CELSR1: variants seen among roughly 807,000 people sequenced by gnomAD.
CELSR1 encodes the protein cadherin EGF LAG seven-pass G-type receptor 1.
In CELSR1, 110 loss-of-function variants were observed where a neutral mutation model predicts 249.1. The observed-to-expected ratio is 0.44, with a 90% CI of 0.38 to 0.52. CELSR1 has a LOEUF of 0.52. Among genes scored for constraint, CELSR1 ranks in the 20% least tolerant of loss-of-function variants. CELSR1 has a pLI of 0.00. For synonymous variants in CELSR1, 2,113 were observed against 1,900.0 expected, an observed-to-expected ratio of 1.11 and a Z score of -2.92; for missense variants, 4,109 against 4,296.4, an observed-to-expected ratio of 0.96 and a Z score of 1.22.
At chr22:46,486,639 T>C (rs1440501503) in intron 1 of CELSR1, among the ~76,000 whole-genome samples, 1 of 151,806 alleles carries the variant, frequency 6.6e-6, no homozygotes, top group East Asian at 2.0e-4. Flanking sequence ...GGTCAGGAGT[T>C]TGAGACCAGC....
chr22:46,410,476 C>T lies in CELSR1; in HGVS notation c.4855G>A (p.Gly1619Ser). 6.2e-7 allele frequency: 1 copy of T among 1,614,050 alleles called. No homozygotes were observed. Among genetic ancestry groups the T allele is most frequent in the Non-Finnish European group, 8.5e-7 (1 of 1,180,012 alleles). ...DFPVHNRQFV[G>S]CMRNLSVDGK... ...TCGACTGACAGGTTCCGCATGCAGC[C>T]CACGAACTGCCGGTTGTGCACTGGG... is the stretch of plus-strand genomic sequence containing the variant. The change falls in exon 7 of 35, where the codon GGC (glycine) becomes AGC (serine). Residue 1619 changes from glycine (G) to serine (S), a missense_variant. Gly to Ser is a moderately conservative substitution (Grantham distance 56, BLOSUM62 0). Around this residue, in one of 7 missense-constraint regions of CELSR1, gnomAD observed 453 missense variants for 492.0 expected, o/e 0.92. Transcript: ENST00000674500. The surrounding 1 kb of genome is among the most constrained non-coding windows in gnomAD (Gnocchi z 6.8).
intron 1 of CELSR1, among the ~76,000 whole-genome samples, chr22:46,477,106 C>T (rs966367447): frequency 6.6e-6 from 1 of 152,168 alleles, no homozygotes; most frequent in African/African-American, 2.4e-5. Flanking sequence ...GTTTCTAAGA[C>T]GTGGAACTAC....
rs1158688073 is a variant in CELSR1, at chr22:46,391,795, C to T, written c.5986G>A (p.Ala1996Thr). The change falls in exon 15 of 35, where the codon GCC becomes ACC. Residue 1996 changes from alanine to threonine, a missense_variant. Physicochemically the swap from Ala to Thr is moderately conservative, Grantham distance 58. Around this residue, in one of 7 missense-constraint regions of CELSR1, gnomAD observed 1,805 missense variants for 1,831.6 expected, o/e 0.99. Coordinates refer to ENST00000674500, the MANE Select transcript of CELSR1 (RefSeq NM_001378328.1). This position sits in a 1 kb window ranked among gnomAD's most constrained non-coding sequence, Gnocchi z 4.3. ...TCGCAGGGCAGACAGGTGTCCTGGG[C>T]TAGGAGCTTGTAGTAATTCTCCTGC... ...QCKENYYKLL[A>T]QDTCLPCDCF... 7 of 1,611,020 alleles carry T rather than the reference C, an allele frequency of 4.3e-6. No individual in the cohort carries two copies. Among genetic ancestry groups the T allele is most frequent in the Non-Finnish European group, 5.9e-6 (7 of 1,179,440 alleles).
At chr22:46,376,780 C>T (rs1260714877) in intron 24 of CELSR1, among the ~76,000 whole-genome samples, 1 of 148,954 alleles carries the variant, frequency 6.7e-6, no homozygotes, top group Non-Finnish European at 1.5e-5. Flanking sequence ...TCACTCCAGC[C>T]TGGATTGACA....
rs2079679895 is a variant in CELSR1 at position 46,437,675 on chromosome 22, T to C, written c.4407-1386A>G. The stretch of plus-strand genomic sequence containing the variant: ...TTGAGGCAGGAGAATTGCTTGAACC[T>C]GGGAGGCGGAAGTTGCAGTGAGCCG... On this transcript the variant is annotated intron_variant, in intron 3 of 34. Transcript: ENST00000674500. The surrounding 1 kb of genome is among the most constrained non-coding windows in gnomAD (Gnocchi z 4.9). Among the ~76,000 whole-genome samples the C allele has an allele frequency of 6.7e-6, 1 of 149,508 alleles. No individual in the cohort carries two copies. Among genetic ancestry groups the C allele is most frequent in the Middle Eastern group, 3.4e-3 (1 of 292 alleles).
Position 46,535,444 on chromosome 22 carries a change from T to A in CELSR1, c.1727A>T (p.Glu576Val). Residue 576 changes from glutamate (E) to valine (V), a missense_variant, in exon 1 of 35, where the codon GAG (glutamate) becomes GTG (valine). Around this residue, in one of 7 missense-constraint regions of CELSR1, gnomAD observed 135 missense variants for 190.0 expected, o/e 0.71. Coordinates refer to ENST00000674500, the MANE Select transcript of CELSR1 (RefSeq NM_001378328.1). ...VSSPFQATVLENVPLGYPVVH... is the reference protein window; with the variant it reads ...VSSPFQATVLVNVPLGYPVVH... Reference sequence around the variant, plus strand: ...CACGGGGTAGCCCAGGGGCACATTCTCCAGCACCGTGGCCTGGAAGGGGCT... The same window carrying A: ...CACGGGGTAGCCCAGGGGCACATTCACCAGCACCGTGGCCTGGAAGGGGCT... 6.2e-7 allele frequency: 1 copy of A among 1,609,014 alleles called. No homozygotes were observed.
At position 46,535,625 on chromosome 22, in the gene CELSR1, G is replaced by C. The variant is rs1467220428; in HGVS notation, c.1546C>G (p.Leu516Val). 1.9e-6 allele frequency: 3 copies of C among 1,613,404 alleles called. No individual in the cohort carries two copies. The highest frequency in any genetic ancestry group is 2.2e-5 in the East Asian group (1 of 44,882). ...QFYLHSLSGILDVINPLDFED... is the reference protein window; with the variant it reads ...QFYLHSLSGIVDVINPLDFED... ...AAATCCAAGGGGTTGATCACATCCA[G>C]GATCCCGCTCAGCGAGTGCAGGTAG... The change falls in exon 1 of 35, where the codon CTG (leucine) becomes GTG (valine). Residue 516 changes from leucine to valine, a missense_variant. Coordinates refer to ENST00000674500, the MANE Select transcript of CELSR1 (RefSeq NM_001378328.1).
At chr22:46,495,221 G>T (rs2045706432) in intron 1 of CELSR1, among the ~76,000 whole-genome samples, 1 of 152,186 alleles carries the variant, frequency 6.6e-6, no homozygotes, top group African/African-American at 2.4e-5. Flanking sequence ...ACACACCTAG[G>T]CTGTGGTATA....
At chr22:46,504,237 A>G (rs5768853) in intron 1 of CELSR1, among the ~76,000 whole-genome samples, 121,767 of 151,842 alleles carry the variant, frequency 0.8, 48,992 homozygotes, top group East Asian at 0.98. Flanking sequence ...TGGCTGGCCA[A>G]GCGCAGTGGC....
rs548134555 is a variant in CELSR1 at position 46,496,709 on chromosome 22, T to C, written c.3545-32364A>G. ...GCCTATGCAGGGTTAGGATCATCAA[T>C]ATCACTGTCTTCCACCTCCATATCT... On this transcript the variant is annotated intron_variant, in intron 1 of 34. Coordinates refer to ENST00000674500, the MANE Select transcript of CELSR1 (RefSeq NM_001378328.1). 1.3e-4 allele frequency among the ~76,000 whole-genome samples: 20 copies of C among 152,234 alleles called. No homozygotes were observed. In the South Asian group the frequency reaches 3.1e-3, roughly 24 times the overall value.
chr22:46,467,227 G>A (rs1013943163), intron 1 of CELSR1, among the ~76,000 whole-genome samples: 3 of 152,062 alleles, frequency 2.0e-5, no homozygotes, highest in South Asian at 2.1e-4. Flanking sequence ...GCTACATCCC[G>A]TTTATACATT....
chr22:46,419,481 G>A (rs541204457), intron 5 of CELSR1, among the ~76,000 whole-genome samples: 1 of 152,116 alleles, frequency 6.6e-6, no homozygotes, highest in Admixed American at 6.5e-5. Flanking sequence ...AAGGAGGAAC[G>A]CACACTTCCG....
At chr22:46,416,881 C>T (rs1459423201) in intron 5 of CELSR1, among the ~76,000 whole-genome samples, 1 of 151,710 alleles carries the variant, frequency 6.6e-6, no homozygotes, top group Non-Finnish European at 1.5e-5. Context: ...GCTCACATTT[C>T]TCCAGCCTTT....
chr22:46,410,428 C>T lies in CELSR1; in HGVS notation c.4903G>A (p.Gly1635Arg), dbSNP rs375412163. The change falls in exon 7 of 35, where the codon GGA becomes AGA. Residue 1635 changes from glycine (G) to arginine (R), a missense_variant. Around this residue, in one of 7 missense-constraint regions of CELSR1, gnomAD observed 453 missense variants for 492.0 expected, o/e 0.92. Coordinates refer to ENST00000674500, the MANE Select transcript of CELSR1 (RefSeq NM_001378328.1). This position sits in a 1 kb window ranked among gnomAD's most constrained non-coding sequence, Gnocchi z 6.8. ...CGGGTGCCATTGTTGGCGATGAATC[C>T]GGCCATGTCCACATTTTTGCCGTCG... Reference protein sequence around the residue: ...SVDGKNVDMAGFIANNGTREG... With the variant: ...SVDGKNVDMARFIANNGTREG... 65 of 1,614,044 alleles carry T rather than the reference C, an allele frequency of 4.0e-5. No individual in the cohort carries two copies. Among genetic ancestry groups the T allele is most frequent in the South Asian group, 3.5e-4 (32 of 91,084 alleles).
At position 46,527,036 on chromosome 22, in the gene CELSR1, C is replaced by T. The variant is rs2080745122; in HGVS notation, c.3544+6591G>A. Among the ~76,000 whole-genome samples, 1 of 152,296 alleles carries T rather than the reference C, an allele frequency of 6.6e-6. No homozygotes were observed. Among genetic ancestry groups the T allele is most frequent in the South Asian group, 2.1e-4 (1 of 4,828 alleles). On this transcript the variant is annotated intron_variant, in intron 1 of 34. Transcript: ENST00000674500. The surrounding 1 kb of genome is among the most constrained non-coding windows in gnomAD (Gnocchi z 5.5). ...CAGGGAACATGCCTTAGGAGCTGCCCGGTCCAGGTTCAAATCCCACTGCTG... is the reference window on the plus strand; with the variant it reads ...CAGGGAACATGCCTTAGGAGCTGCCTGGTCCAGGTTCAAATCCCACTGCTG...
At position 46,417,113 on chromosome 22, in the gene CELSR1, T is replaced by G. The variant is rs1293044613; in HGVS notation, c.4612-5354A>C. 6.6e-6 allele frequency among the ~76,000 whole-genome samples: 1 copy of G among 152,188 alleles called. No individual in the cohort carries two copies. Among genetic ancestry groups the G allele is most frequent in the East Asian group, 1.9e-4 (1 of 5,200 alleles). ...TCTGTACAGAGTCAAACTGCAGCGC[T>G]GAACGTTCCATGCTGTCATTTCTCA... On this transcript the variant is annotated intron_variant, in intron 5 of 34. Transcript: ENST00000674500. The surrounding 1 kb of genome is among the most constrained non-coding windows in gnomAD (Gnocchi z 4.1).
At position 46,430,301 on chromosome 22, in the gene CELSR1, C is replaced by T. The variant is rs1439401370; in HGVS notation, c.4611+3092G>A. On this transcript the variant is annotated intron_variant, in intron 5 of 34. Transcript: ENST00000674500. The surrounding 1 kb of genome is among the most constrained non-coding windows in gnomAD (Gnocchi z 4.6). ...TTTTCAAGTATGTTTTCTTCATCAT[C>T]CCCAAAAATGCAAAAACCAAAACCA... Among the ~76,000 whole-genome samples the T allele has an allele frequency of 6.6e-6, 1 of 152,200 alleles. No homozygotes were observed. The highest frequency in any genetic ancestry group is 1.5e-5 in the Non-Finnish European group (1 of 68,038).
rs1180662148 is a variant in CELSR1, at chr22:46,433,628, G to C, written c.4523-147C>G. ...TCCCCACGGCACCATGGTGGGAGGCGCCCACCACTCCATCCATTTTCTTTT... is the reference window on the plus strand; with the variant it reads ...TCCCCACGGCACCATGGTGGGAGGCCCCCACCACTCCATCCATTTTCTTTT... On this transcript the variant is annotated intron_variant, in intron 4 of 34. Coordinates refer to ENST00000674500, the MANE Select transcript of CELSR1 (RefSeq NM_001378328.1). The surrounding 1 kb of genome is among the most constrained non-coding windows in gnomAD (Gnocchi z 5.7). 2 of 608,748 alleles carry C rather than the reference G, an allele frequency of 3.3e-6. No homozygotes were observed. Among genetic ancestry groups the C allele is most frequent in the East Asian group, 5.6e-5 (2 of 35,838 alleles). 37.7% of individuals were successfully genotyped at this position (608,748 alleles called of 1,614,324 possible).
rs922390948 is a variant in CELSR1 at position 46,428,311 on chromosome 22, T to C, written c.4611+5082A>G. ...CAGCCAGCTCAGGCATGGGGCTTCA[T>C]TGCGTGTGGTCTAGCCACCCGTGGC... is the stretch of plus-strand genomic sequence containing the variant. On this transcript the variant is annotated intron_variant, in intron 5 of 34. Transcript: ENST00000674500. This position sits in a 1 kb window ranked among gnomAD's most constrained non-coding sequence, Gnocchi z 5.7. Among the ~76,000 whole-genome samples the C allele has an allele frequency of 5.3e-5, 8 of 152,356 alleles. No homozygotes were observed. Among genetic ancestry groups the C allele is most frequent in the African/African-American group, 1.4e-4 (6 of 41,582 alleles).
Sources: allele counts gnomAD v4.1 joint callset (sites outside exome capture counted in the v4.1 genomes callset), GRCh38; gene constraint gnomAD v4.1.1; regional missense constraint gnomAD v4.1.1; non-coding constraint Gnocchi (gnomAD v3.1); transcripts MANE v1.5; gene names NCBI Gene and HGNC (gene_info 2026-07-23, HGNC 2026-07-21).